TENM3: variants seen among roughly 807,000 people sequenced by gnomAD.
The protein encoded by TENM3 is teneurin transmembrane protein 3.
Under a neutral mutation model 255.1 loss-of-function variants are expected in TENM3, and 63 were observed. That is an observed-to-expected ratio of 0.25 (90% CI 0.20 to 0.30). TENM3 has a LOEUF of 0.30. TENM3 is among the 10% of genes least tolerant of loss of function. The pLI, the probability that TENM3 is intolerant of heterozygous loss-of-function variation, is 1.00. For synonymous variants in TENM3, 1,306 were observed against 1,322.3 expected (o/e 0.99, Z 0.27); for missense variants, 2,929 against 3,461.1 (o/e 0.85, Z 3.86).
intron 3 of TENM3, among the ~76,000 whole-genome samples, chr4:182,565,958 T>C (rs904818281): frequency 6.6e-6 from 1 of 152,234 alleles, no homozygotes; most frequent in African/African-American, 2.4e-5. Context: ...TCCACCACTC[T>C]GATCAAAGGG....
At chr4:181,918,061 A>G in the TENM3 span, among the ~76,000 whole-genome samples, 1 of 152,110 alleles carries the variant, frequency 6.6e-6, no homozygotes, top group Admixed American at 6.6e-5. Flanking sequence ...ACTTTTCATC[A>G]GTTTCTTCTC....
chr4:182,045,368 T>C, the TENM3 span, among the ~76,000 whole-genome samples: 1 of 149,844 alleles, frequency 6.7e-6, no homozygotes, highest in Non-Finnish European at 1.5e-5. Flanking sequence ...CTAAGTACGA[T>C]GTCCATGTCT....
the TENM3 span, among the ~76,000 whole-genome samples, chr4:181,648,187 A>T: frequency 6.6e-6 from 1 of 152,110 alleles, no homozygotes; most frequent in Non-Finnish European, 1.5e-5. Flanking sequence ...CTGGTATGGT[A>T]ATTATTATGT....
chr4:181,761,608 A>G, the TENM3 span, among the ~76,000 whole-genome samples: 1 of 152,194 alleles, frequency 6.6e-6, no homozygotes, highest in Non-Finnish European at 1.5e-5. Flanking sequence ...CTAACATCAC[A>G]TCTAAAAACT....
chr4:181,703,414 A>T, the TENM3 span, among the ~76,000 whole-genome samples: 74 of 152,370 alleles, frequency 4.9e-4, no homozygotes, highest in East Asian at 0.014. Context: ...GTAAGATTGC[A>T]TAGTTTTAAC....
intron 3 of TENM3, among the ~76,000 whole-genome samples, chr4:182,560,074 A>G (rs1328817216): frequency 6.6e-6 from 1 of 151,874 alleles, no homozygotes; most frequent in Non-Finnish European, 1.5e-5. Flanking sequence ...TAAAAATTAA[A>G]AAAAGGTTTT....
chr4:181,481,462 A>G, the TENM3 span, among the ~76,000 whole-genome samples: 1 of 152,214 alleles, frequency 6.6e-6, no homozygotes, highest in African/African-American at 2.4e-5. Flanking sequence ...ACATATTTCA[A>G]TAAATGTGCT....
At chr4:182,513,818 A>G (rs1291226607) in intron 3 of TENM3, among the ~76,000 whole-genome samples, 2 of 152,168 alleles carry the variant, frequency 1.3e-5, no homozygotes, top group Non-Finnish European at 2.9e-5. Context: ...CAGAGCGCAC[A>G]CCTCAACCAT....
chr4:182,292,742 G>A (rs969390246), intron 1 of TENM3, among the ~76,000 whole-genome samples: 1 of 152,128 alleles, frequency 6.6e-6, no homozygotes, highest in African/African-American at 2.4e-5. Context: ...AGAACTTACA[G>A]TGGGCTCAAT....
the TENM3 span, among the ~76,000 whole-genome samples, chr4:181,588,373 T>TAC: frequency 8.2e-4 from 125 of 152,292 alleles, no homozygotes; most frequent in African/African-American, 2.9e-3. Context: ...AATAAAAACT[T>TAC]ACACTAGTCT....
At chr4:182,704,084 G>C (rs1365063525) in intron 12 of TENM3, among the ~76,000 whole-genome samples, 1 of 151,684 alleles carries the variant, frequency 6.6e-6, no homozygotes, top group African/African-American at 2.4e-5. Context: ...CCAAATTGGA[G>C]TACTAAAATA....
chr4:182,470,020 CAT>C (rs1219357186), intron 3 of TENM3, among the ~76,000 whole-genome samples: 1 of 152,008 alleles, frequency 6.6e-6, no homozygotes, highest in East Asian at 1.9e-4. Flanking sequence ...GTAATGAAAT[CAT>C]AGAGTTAGAA....
the TENM3 span, among the ~76,000 whole-genome samples, chr4:181,908,014 G>T: frequency 6.6e-6 from 1 of 152,018 alleles, no homozygotes; most frequent in African/African-American, 2.4e-5. Flanking sequence ...TTTTTGACTC[G>T]AGTGCTAAAG....
At chr4:182,526,684 G>A (rs192497631) in intron 3 of TENM3, among the ~76,000 whole-genome samples, 218 of 152,266 alleles carry the variant, frequency 1.4e-3, no homozygotes, top group Non-Finnish European at 2.5e-3. Flanking sequence ...CTGAATGACC[G>A]ACTGAATAAA....
intron 3 of TENM3, among the ~76,000 whole-genome samples, chr4:182,522,228 G>C (rs988795215): frequency 6.6e-6 from 1 of 152,132 alleles, no homozygotes; most frequent in Admixed American, 6.6e-5. Context: ...GGAATATACA[G>C]TGAATTATTA....
rs1766263512 is a variant in TENM3 at position 182,793,484 on chromosome 4, C to T, written c.6812C>T (p.Thr2271Ile). ...TACAACCATTCGAGTTCAGAAATTA[C>T]CTCCCTGTATTATGATCTCCAAGGA... ...HVYNHSSSEI[T>I]SLYYDLQGHL... Residue 2271 changes from threonine (T) to isoleucine (I), a missense_variant, in exon 26 of 28, where the codon ACC becomes ATC. By Grantham distance (89) the Thr-to-Ile change is moderately conservative. Transcript: ENST00000511685. The surrounding 1 kb of genome is among the most constrained non-coding windows in gnomAD (Gnocchi z 5.7). 6.2e-7 allele frequency: 1 copy of T among 1,613,810 alleles called. No individual in the cohort carries two copies. The highest frequency in any genetic ancestry group is 1.1e-5 in the South Asian group (1 of 91,084).
intron 3 of TENM3, among the ~76,000 whole-genome samples, chr4:182,528,990 C>T (rs957008617): frequency 8.5e-5 from 13 of 152,178 alleles, no homozygotes; most frequent in Admixed American, 2.0e-4. Context: ...AAGTACTTAA[C>T]GCATGATCGT....
At chr4:181,754,904 T>A in the TENM3 span, among the ~76,000 whole-genome samples, 1 of 152,188 alleles carries the variant, frequency 6.6e-6, no homozygotes, top group African/African-American at 2.4e-5. Flanking sequence ...GCCAAAGGAT[T>A]CCTCTAGCCT....
At chr4:181,897,498 C>T in the TENM3 span, among the ~76,000 whole-genome samples, 2 of 152,124 alleles carry the variant, frequency 1.3e-5, no homozygotes, top group African/African-American at 4.8e-5. Flanking sequence ...AACATTGTTC[C>T]ATTTTTAAAC....
Sources: gnomAD v4.1 joint callset for allele counts (sites outside exome capture counted in the v4.1 genomes callset) on GRCh38, gnomAD v4.1.1 for gene constraint, Gnocchi (gnomAD v3.1) non-coding constraint, MANE v1.5 for transcripts, NCBI Gene and HGNC (gene_info 2026-07-23, HGNC 2026-07-21) for gene names.